Variants in NPTX1 observed in about 807,000 individuals in gnomAD.
NPTX1 encodes neuronal pentraxin-1.
In NPTX1, 12 loss-of-function variants were observed where a neutral mutation model predicts 38.7. That is an observed-to-expected ratio of 0.31 (90% CI 0.20 to 0.50). The LOEUF (loss-of-function observed/expected upper bound fraction) is 0.50, where lower values mean the gene tolerates loss of function less well. Among genes scored for constraint, NPTX1 ranks in the 20% least tolerant of loss-of-function variants. The probability of loss-of-function intolerance (pLI) is 0.98; values close to 1 mark genes in which losing one functional copy is unlikely to be tolerated. For missense variants in NPTX1, 454 were observed against 592.2 expected (o/e 0.77, Z 2.42); for synonymous variants, 272 against 264.9 (o/e 1.03, Z -0.26).
intron 2 of NPTX1, chr17:80,473,647 C>T (rs2083855665): frequency 1.7e-6 from 1 of 591,280 alleles, no homozygotes; most frequent in African/African-American, 1.9e-5. Context: ...GACCCAAGCT[C>T]TTCATGCTCC....
At position 80,476,312 on chromosome 17, in the gene NPTX1, G is replaced by T; in HGVS notation, c.135C>A (p.Ser45=). 6.4e-7 allele frequency: 1 copy of T among 1,551,686 alleles called. No individual in the cohort carries two copies. The highest frequency in any genetic ancestry group is 1.2e-5 in the South Asian group (1 of 85,464). Residue 45 remains serine, a synonymous_variant, in exon 1 of 5, where the codon TCC becomes TCA. Coordinates refer to ENST00000306773, the MANE Select transcript of NPTX1 (RefSeq NM_002522.4). This position sits in a 1 kb window ranked among gnomAD's most constrained non-coding sequence, Gnocchi z 6.3. ...GCTCCTCGGCGCCGCCGGCGGCCAC[G>T]GACGCGGCGCACATGTCGGCGTCCA... ...VPVDADMCAA[S]VAAGGAEELR... is the part of the protein sequence containing the mutation.
Position 80,475,799 on chromosome 17 carries a change from C to G in NPTX1, c.445-81G>C. The stretch of plus-strand genomic sequence containing the variant: ...GCTGGAAGGCCCGCGGCGCGGTCCC[C>G]TCTGGGCGACTGCGGGGGCGGCCTG... On this transcript the variant is annotated intron_variant, in intron 1 of 4. Transcript: ENST00000306773. The surrounding 1 kb of genome is among the most constrained non-coding windows in gnomAD (Gnocchi z 6.5). 8.8e-7 allele frequency: 1 copy of G among 1,139,690 alleles called. No homozygotes were observed. The highest frequency in any genetic ancestry group is 2.2e-5 in the Admixed American group (1 of 44,958). The allele number at this position is 1,139,690 out of a possible 1,614,324, so 70.6% of individuals were successfully genotyped here. A position where few individuals can be genotyped will look rare whatever the true frequency, so the allele number is the denominator to read the frequency against.
intron 2 of NPTX1, chr17:80,474,803 C>CA (rs2083868065): frequency 1.5e-5 from 2 of 137,646 alleles, no homozygotes; most frequent in African/African-American, 5.0e-5. Flanking sequence ...ACCGGGCACC[C>CA]CCCCCCCTCC....
chr17:80,471,241 G>A (rs901205248), intron 4 of NPTX1, among the ~76,000 whole-genome samples: 27 of 152,072 alleles, frequency 1.8e-4, no homozygotes, highest in African/African-American at 6.0e-4. Context: ...GGATGGCACC[G>A]ACCACCTCTG....
intron 2 of NPTX1, 122 bp from the exon 3 acceptor site, chr17:80,473,566 G>T: frequency 1.0e-6 from 1 of 1,001,980 alleles, no homozygotes; most frequent in Non-Finnish European, 1.5e-6. Flanking sequence ...CTCCATTCTG[G>T]AGACGCAGAG....
chr17:80,473,786 G>T (rs1021119992), intron 2 of NPTX1: 18 of 313,636 alleles, frequency 5.7e-5, no homozygotes, highest in Non-Finnish European at 9.7e-5. Flanking sequence ...GGGGACAGCC[G>T]CCAAGCCAAG....
chr17:80,468,493 C>G lies in NPTX1; in HGVS notation c.*2320G>C, dbSNP rs2083818666. ...GGTGCTGGCAGGGGAGCACCCCACA[C>G]AGCCCGCACCGGGCGTTGCCTACAC... On this transcript the variant is annotated 3_prime_UTR_variant, in exon 5 of 5. Coordinates refer to ENST00000306773, the MANE Select transcript of NPTX1 (RefSeq NM_002522.4). 1 of 152,310 alleles carries G rather than the reference C, an allele frequency of 6.6e-6. No homozygotes were observed. The highest frequency in any genetic ancestry group is 2.4e-5 in the African/African-American group (1 of 41,468). 9.4% of individuals were successfully genotyped at this position (152,310 alleles called of 1,614,324 possible).
Position 80,470,241 on chromosome 17 carries a change from C to A in NPTX1, c.*572G>T, listed in dbSNP as rs2083831548. The A allele has an allele frequency of 6.6e-6, 1 of 152,330 alleles. No individual in the cohort carries two copies. The highest frequency in any genetic ancestry group is 2.4e-5 in the African/African-American group (1 of 41,464). The allele number at this position is 152,330 out of a possible 1,614,324, so 9.4% of individuals were successfully genotyped here. A position where few individuals can be genotyped will look rare whatever the true frequency, so the allele number is the denominator to read the frequency against. ...AATTCTCTGTAGAGAGCCCCCGCCC[C>A]CGGCCTTTGACAAACCACTAAAAGA... is the stretch of plus-strand genomic sequence containing the variant. On this transcript the variant is annotated 3_prime_UTR_variant, in exon 5 of 5. Coordinates refer to ENST00000306773, the MANE Select transcript of NPTX1 (RefSeq NM_002522.4).
chr17:80,473,136 T>G (rs933047821), intron 3 of NPTX1, 64 bp downstream of exon 3: 1 of 1,556,612 alleles, frequency 6.4e-7, no homozygotes, highest in Admixed American at 1.7e-5. Flanking sequence ...TGTCTCCGCA[T>G]GCAACATGAG....
intron 4 of NPTX1, among the ~76,000 whole-genome samples, chr17:80,471,289 C>G (rs1237626378): frequency 1.3e-5 from 2 of 152,226 alleles, no homozygotes; most frequent in African/African-American, 4.8e-5. Flanking sequence ...GACTCTGCCC[C>G]TCCTGCAGCT....
In NPTX1 at chr17:80,475,820, G is replaced by A; in HGVS notation, c.445-102C>T. On this transcript the variant is annotated intron_variant, in intron 1 of 4. Coordinates refer to ENST00000306773, the MANE Select transcript of NPTX1 (RefSeq NM_002522.4). The surrounding 1 kb of genome is among the most constrained non-coding windows in gnomAD (Gnocchi z 6.5). The stretch of plus-strand genomic sequence containing the variant: ...TCCCCTCTGGGCGACTGCGGGGGCG[G>A]CCTGGCAGGGAGCTGGGGCGAGTGG... 1.0e-6 allele frequency: 1 copy of A among 999,184 alleles called. No homozygotes were observed. Among genetic ancestry groups the A allele is most frequent in the Non-Finnish European group, 1.4e-6 (1 of 700,800 alleles). The allele number at this position is 999,184 out of a possible 1,614,324, so 61.9% of individuals were successfully genotyped here.
chr17:80,471,606 G>A (rs985423780), intron 4 of NPTX1, 126 bp downstream of exon 4: 2 of 1,436,702 alleles, frequency 1.4e-6, no homozygotes, highest in Middle Eastern at 2.5e-4. Flanking sequence ...TGCCCAGCCT[G>A]CTCCCCGGGC....
At position 80,466,870 on chromosome 17, in the gene NPTX1, A is replaced by G. The variant is rs891862279; in HGVS notation, c.*3943T>C. Among the ~76,000 whole-genome samples, 3 of 150,872 alleles carry G rather than the reference A, an allele frequency of 2.0e-5. No individual in the cohort carries two copies. Among genetic ancestry groups the G allele is most frequent in the Admixed American group, 6.6e-5 (1 of 15,078 alleles). The stretch of plus-strand genomic sequence containing the variant: ...CTCTTTACTGTGTAAAAATAAACTC[A>G]ACAATTCATGTCATTTCAGCAAGAA... On this transcript the variant is annotated 3_prime_UTR_variant, in exon 5 of 5. Coordinates refer to ENST00000306773, the MANE Select transcript of NPTX1 (RefSeq NM_002522.4).
In NPTX1 at chr17:80,470,736, A is replaced by T; in HGVS notation, c.*77T>A. 1 of 1,021,322 alleles carries T rather than the reference A, an allele frequency of 9.8e-7. No individual in the cohort carries two copies. Among genetic ancestry groups the T allele is most frequent in the South Asian group, 1.5e-5 (1 of 66,156 alleles). The allele number at this position is 1,021,322 out of a possible 1,614,324, so 63.3% of individuals were successfully genotyped here. Reference sequence around the variant, plus strand: ...CGGTTCATTCCTGGGGAAAAGGGAGAGAAGAGACGCACAAAACAGATCATC... The same window carrying T: ...CGGTTCATTCCTGGGGAAAAGGGAGTGAAGAGACGCACAAAACAGATCATC... On this transcript the variant is annotated 3_prime_UTR_variant, in exon 5 of 5. Transcript: ENST00000306773.
rs960013555 is a variant in NPTX1 at position 80,475,083 on chromosome 17, G to C, written c.652+428C>G. On this transcript the variant is annotated intron_variant, in intron 2 of 4. Transcript: ENST00000306773. This position sits in a 1 kb window ranked among gnomAD's most constrained non-coding sequence, Gnocchi z 6.5. ...TAACAGCCTCAGCGGCCCGGGGAAC[G>C]AGAGCGCCCAGCCCCAGCCTGCACC... 2.0e-5 allele frequency among the ~76,000 whole-genome samples: 3 copies of C among 152,228 alleles called. No individual in the cohort carries two copies. Among genetic ancestry groups the C allele is most frequent in the East Asian group, 3.8e-4 (2 of 5,198 alleles).
rs367906952 is a variant in NPTX1, at chr17:80,473,462, C to G, written c.653-18G>C. ...TTTCTGACCTGCGGAAGACACAGTC[C>G]TGACATCTGCACCTGCGTGAAGTGC... On this transcript the variant is annotated intron_variant, in intron 2 of 4. Transcript: ENST00000306773. 9.3e-5 allele frequency: 150 copies of G among 1,612,820 alleles called. No individual in the cohort carries two copies. The highest frequency in any genetic ancestry group is 1.7e-4 in the Middle Eastern group (1 of 5,810).
rs374825812 is a variant in NPTX1, at chr17:80,475,817, G to C, written c.445-99C>G. 5.8e-6 allele frequency: 6 copies of C among 1,032,828 alleles called. No individual in the cohort carries two copies. The highest frequency in any genetic ancestry group is 8.3e-6 in the Non-Finnish European group (6 of 726,712). 64.0% of individuals were successfully genotyped at this position (1,032,828 alleles called of 1,614,324 possible). A position where few individuals can be genotyped will look rare whatever the true frequency, so the allele number is the denominator to read the frequency against. Reference sequence around the variant, plus strand: ...CGGTCCCCTCTGGGCGACTGCGGGGGCGGCCTGGCAGGGAGCTGGGGCGAG... The same window carrying C: ...CGGTCCCCTCTGGGCGACTGCGGGGCCGGCCTGGCAGGGAGCTGGGGCGAG... On this transcript the variant is annotated intron_variant, in intron 1 of 4. Coordinates refer to ENST00000306773, the MANE Select transcript of NPTX1 (RefSeq NM_002522.4). This position sits in a 1 kb window ranked among gnomAD's most constrained non-coding sequence, Gnocchi z 6.5.
At chr17:80,474,761 G>C (rs549452315) in intron 2 of NPTX1, 1 of 151,948 alleles carries the variant, frequency 6.6e-6, no homozygotes, top group African/African-American at 2.4e-5. Flanking sequence ...CACATTTTGC[G>C]GTCTGAGCAG....
chr17:80,471,157 G>C lies in NPTX1; in HGVS notation c.1078-123C>G, dbSNP rs375845664. 31 of 715,822 alleles carry C rather than the reference G, an allele frequency of 4.3e-5. No individual in the cohort carries two copies. The African/African-American group carries it at 4.4e-4, about 10-fold the overall frequency. The allele number at this position is 715,822 out of a possible 1,614,324, so 44.3% of individuals were successfully genotyped here. On this transcript the variant is annotated intron_variant, in intron 4 of 4. Transcript: ENST00000306773. The stretch of plus-strand genomic sequence containing the variant: ...TCACGGACTCTCACGGACACTCCTA[G>C]GTGCCGTTTCGTCTCCCTGTCCCTG...
Sources: gnomAD v4.1 joint callset for allele counts (sites outside exome capture counted in the v4.1 genomes callset) on GRCh38, gnomAD v4.1.1 for gene constraint, Gnocchi (gnomAD v3.1) non-coding constraint, MANE v1.5 for transcripts, NCBI Gene and HGNC (gene_info 2026-07-23, HGNC 2026-07-21) for gene names.